The following VWA8 variants were observed in gnomAD, a reference collection of about 807,000 sequenced individuals.
VWA8 encodes the protein von Willebrand factor A domain-containing protein 8.
VWA8 carries 221 observed loss-of-function variants against 241.5 expected under a neutral mutation model. The ratio of observed to expected loss-of-function variants is 0.91; its 90% CI spans 0.82 to 1.02. The LOEUF is 1.02. Among genes scored for constraint, VWA8 ranks in the 50% least tolerant of loss-of-function variants. VWA8 has a pLI of 0.00. For synonymous variants in VWA8, 852 were observed against 827.1 expected, an observed-to-expected ratio of 1.03 and a Z score of -0.52; for missense variants, 2,322 against 2,328.7, an observed-to-expected ratio of 1.00 and a Z score of 0.06.
intron 37 of VWA8, among the ~76,000 whole-genome samples, chr13:41,645,528 C>T (rs1416827480): frequency 2.0e-5 from 3 of 152,156 alleles, no homozygotes; most frequent in South Asian, 2.1e-4. Context: ...GCCCAGATTG[C>T]GGCAGGCCCC....
chr13:41,901,913 T>TATATATATATAC (rs1268681139), intron 4 of VWA8, among the ~76,000 whole-genome samples: 1 of 64,030 alleles, frequency 1.6e-5, no homozygotes, highest in African/African-American at 4.7e-5. Context: ...TATATATATA[T>TATATATATATAC]ACACACACAT....
intron 21 of VWA8, among the ~76,000 whole-genome samples, chr13:41,741,601 T>C (rs1353580813): frequency 6.6e-6 from 1 of 152,228 alleles, no homozygotes; most frequent in Non-Finnish European, 1.5e-5. Flanking sequence ...AACATTTTTT[T>C]ATGTACACCT....
In VWA8 at chr13:41,605,279, G is replaced by C. The variant is rs748648186; in HGVS notation, c.4878-3C>G. ...CACTCATTTGGATCTCCTTTAGCCT[G>C]AAATCAGAAGAGTATAAAAAGTTAA... On this transcript the variant is annotated splice_region_variant and splice_polypyrimidine_tract_variant and intron_variant, in intron 39 of 44. Transcript: ENST00000379310. 6.2e-7 allele frequency: 1 copy of C among 1,612,194 alleles called. No homozygotes were observed. The highest frequency in any genetic ancestry group is 8.5e-7 in the Non-Finnish European group (1 of 1,178,926).
At chr13:41,842,230 C>G (rs866885571) in intron 12 of VWA8, among the ~76,000 whole-genome samples, 1 of 152,124 alleles carries the variant, frequency 6.6e-6, no homozygotes, top group Non-Finnish European at 1.5e-5. Context: ...TCTAAGCATG[C>G]TCAGTGAACA....
At chr13:41,586,339 T>C (rs1359095308) in intron 42 of VWA8, among the ~76,000 whole-genome samples, 2 of 152,180 alleles carry the variant, frequency 1.3e-5, no homozygotes, top group African/African-American at 2.4e-5. Flanking sequence ...AGCAGCTCCA[T>C]GGCTTTCACT....
chr13:41,572,797 T>TAAAAAA (rs869088660), intron 43 of VWA8, among the ~76,000 whole-genome samples: 363 of 67,416 alleles, frequency 5.4e-3, no homozygotes, highest in Non-Finnish European at 7.3e-3. Flanking sequence ...CAATAAATAC[T>TAAAAAA]AAAAAAAAAA....
intron 2 of VWA8, among the ~76,000 whole-genome samples, chr13:41,912,471 A>G (rs895322220): frequency 1.3e-5 from 2 of 152,174 alleles, no homozygotes; most frequent in African/African-American, 4.8e-5. Flanking sequence ...AAAGCTTTCC[A>G]TAACATTTGA....
chr13:41,913,696 T>G (rs1876117368), intron 2 of VWA8, among the ~76,000 whole-genome samples: 1 of 152,218 alleles, frequency 6.6e-6, no homozygotes, highest in Non-Finnish European at 1.5e-5. Flanking sequence ...AGGACAAGGT[T>G]TTGGGTAAAT....
chr13:41,624,121 G>A (rs1342196960), intron 37 of VWA8, among the ~76,000 whole-genome samples: 3 of 152,092 alleles, frequency 2.0e-5, no homozygotes, highest in African/African-American at 7.2e-5. Context: ...GATTGAACCA[G>A]GAAGAAATTG....
At chr13:41,887,153 T>C (rs1483638666) in intron 6 of VWA8, 44 bp downstream of exon 6, 7 of 1,582,492 alleles carry the variant, frequency 4.4e-6, no homozygotes, top group Non-Finnish European at 6.0e-6. Flanking sequence ...TTGTTATAAA[T>C]AGAAAAACTG....
rs566274379 is a variant in VWA8 at position 41,656,350 on chromosome 13, G to A, written c.4611+14596C>T. On this transcript the variant is annotated intron_variant, in intron 37 of 44. Transcript: ENST00000379310. ...GCCCTCACCAGCAACGTGAAATGTA[G>A]GCCCTTCAACAGCTTTGTATTCCCC... 3.4e-4 allele frequency among the ~76,000 whole-genome samples: 52 copies of A among 152,246 alleles called. 1 individual carries two copies. In the South Asian group the frequency reaches 0.011, roughly 31 times the overall value.
intron 35 of VWA8, among the ~76,000 whole-genome samples, chr13:41,681,534 C>T (rs2045099039): frequency 6.6e-6 from 1 of 152,102 alleles, no homozygotes; most frequent in Non-Finnish European, 1.5e-5. Context: ...ATGATAAGTA[C>T]TGAACTCACA....
intron 12 of VWA8, among the ~76,000 whole-genome samples, chr13:41,847,053 T>C: frequency 6.6e-6 from 1 of 152,150 alleles, no homozygotes; most frequent in South Asian, 2.1e-4. Context: ...ATCTAAAATT[T>C]CCACAATTTA....
At chr13:41,719,373 T>C in intron 26 of VWA8, 1 of 1,371,178 alleles carries the variant, frequency 7.3e-7, no homozygotes, top group Non-Finnish European at 9.4e-7. Context: ...TTATTACATC[T>C]ACTCATGGGA....
chr13:41,709,577 C>CA (rs1413498661), intron 26 of VWA8, among the ~76,000 whole-genome samples: 1 of 152,142 alleles, frequency 6.6e-6, no homozygotes, highest in Non-Finnish European at 1.5e-5. Flanking sequence ...CTCTAATTTC[C>CA]AAAATGCACC....
At chr13:41,691,827 G>A in intron 31 of VWA8, 47 bp downstream of exon 31, 2 of 1,383,320 alleles carry the variant, frequency 1.4e-6, no homozygotes, top group Non-Finnish European at 2.0e-6. Context: ...AAATAGAATG[G>A]GCCAAATAAG....
chr13:41,861,005 T>C (rs1213725517), intron 12 of VWA8, among the ~76,000 whole-genome samples: 1 of 151,774 alleles, frequency 6.6e-6, no homozygotes, highest in African/African-American at 2.4e-5. Flanking sequence ...AATAATATAA[T>C]AGCAAATGAA....
chr13:41,933,486 C>T (rs1329694981), intron 2 of VWA8, among the ~76,000 whole-genome samples: 1 of 151,858 alleles, frequency 6.6e-6, no homozygotes. Context: ...CATATAGATG[C>T]AAAGAACTTA....
intron 38 of VWA8, 113 bp downstream of exon 38, chr13:41,614,863 G>A (rs1008701437): frequency 9.9e-7 from 1 of 1,012,610 alleles, no homozygotes; most frequent in Non-Finnish European, 1.5e-6. Flanking sequence ...TGAGTAATGA[G>A]GGAGGCTGAG....
Sources: allele counts gnomAD v4.1 joint callset (sites outside exome capture counted in the v4.1 genomes callset), GRCh38; gene constraint gnomAD v4.1.1; transcripts MANE v1.5; gene names NCBI Gene and HGNC (gene_info 2026-07-23, HGNC 2026-07-21).